Variants in PAPPA observed in about 807,000 individuals in gnomAD.
PAPPA encodes the protein pappalysin 1.
PAPPA carries 60 observed loss-of-function variants against 164.0 expected under a neutral mutation model. The observed-to-expected ratio is 0.37, with a 90% CI of 0.30 to 0.45. PAPPA has a LOEUF of 0.45. Ranked by LOEUF, PAPPA falls within the 20% of genes least tolerant of loss-of-function variation. The probability of loss-of-function intolerance (pLI) is 1.00; values close to 1 mark genes in which losing one functional copy is unlikely to be tolerated. For missense variants in PAPPA, 1,782 were observed against 2,087.3 expected (o/e 0.85, Z 2.85); for synonymous variants, 875 against 814.1 (o/e 1.07, Z -1.27).
intron 10 of PAPPA, among the ~76,000 whole-genome samples, chr9:116,321,398 A>G (rs116829882): frequency 0.013 from 1,959 of 152,294 alleles, 35 homozygotes; most frequent in African/African-American, 0.043. Context: ...ACAAGAGCTC[A>G]TTCTTCCCCT....
At chr9:116,313,008 G>A (rs749415954) in intron 10 of PAPPA, among the ~76,000 whole-genome samples, 2 of 150,738 alleles carry the variant, frequency 1.3e-5, no homozygotes, top group Non-Finnish European at 2.9e-5. Flanking sequence ...GCGTGAACCC[G>A]GGAGGCAGAG....
At chr9:116,212,892 T>G in intron 4 of PAPPA, among the ~76,000 whole-genome samples, 1 of 152,230 alleles carries the variant, frequency 6.6e-6, no homozygotes, top group Non-Finnish European at 1.5e-5. Flanking sequence ...CTCTCTCTCA[T>G]TTAATTCTCA....
rs1314422005 is a variant in PAPPA, at chr9:116,314,116, G to A, written c.3147+11166G>A. ...GAGATGGAGTCTCACTCTTTCGCCA[G>A]GCTGGAGTATAGTGGTGCAATCTTG... On this transcript the variant is annotated intron_variant, in intron 10 of 21. Coordinates refer to ENST00000328252, the MANE Select transcript of PAPPA (RefSeq NM_002581.5). 1.2e-4 allele frequency among the ~76,000 whole-genome samples: 15 copies of A among 128,076 alleles called. No individual in the cohort carries two copies. In the Admixed American group the frequency reaches 1.3e-3, roughly 11 times the overall value. 84.0% of individuals were successfully genotyped at this position (128,076 alleles called of 152,430 possible).
intron 5 of PAPPA, among the ~76,000 whole-genome samples, chr9:116,223,350 T>C (rs970373611): frequency 3.9e-5 from 6 of 152,226 alleles, no homozygotes; most frequent in Admixed American, 2.6e-4. Context: ...TTCCTGTGTA[T>C]GTATTTAATT....
At chr9:116,310,164 G>A (rs1845698105) in intron 10 of PAPPA, among the ~76,000 whole-genome samples, 1 of 152,196 alleles carries the variant, frequency 6.6e-6, no homozygotes, top group Non-Finnish European at 1.5e-5. Context: ...CAATGCCGAA[G>A]TCACTTCTAA....
At chr9:116,176,398 C>T (rs1291834922) in intron 1 of PAPPA, among the ~76,000 whole-genome samples, 18 of 152,182 alleles carry the variant, frequency 1.2e-4, no homozygotes, top group Admixed American at 1.2e-3. Context: ...AATGAAACTT[C>T]TGGACCATGG....
At position 116,302,924 on chromosome 9, in the gene PAPPA, A is replaced by T; in HGVS notation, c.3121A>T (p.Ile1041Phe). The T allele has an allele frequency of 6.2e-7, 1 of 1,613,916 alleles. No individual in the cohort carries two copies. Among genetic ancestry groups the T allele is most frequent in the East Asian group, 2.2e-5 (1 of 44,864 alleles). Reference protein sequence around the residue: ...HQDQQCPGWVIIGQPAASQVC... With the variant: ...HQDQQCPGWVFIGQPAASQVC... The stretch of plus-strand genomic sequence containing the variant: ...AGACCAGCAATGCCCAGGCTGGGTC[A>T]TCATCGGACAGCCAGCAGCATCCCA... Residue 1041 changes from isoleucine (I) to phenylalanine (F), a missense_variant, in exon 10 of 22, where the codon ATC (isoleucine) becomes TTC (phenylalanine). Ile to Phe is a conservative substitution (Grantham distance 21). This residue lies in a region of PAPPA where 1,324 missense variants were observed against 1,656.9 expected (regional missense o/e 0.80). Transcript: ENST00000328252.
At chr9:116,211,612 C>T in intron 3 of PAPPA, 27 bp from the exon 4 acceptor site, 1 of 1,606,320 alleles carries the variant, frequency 6.2e-7, no homozygotes, top group South Asian at 1.1e-5. Flanking sequence ...ACCTAGTTTG[C>T]CTGATTCTCT....
intron 21 of PAPPA, among the ~76,000 whole-genome samples, chr9:116,394,893 T>C (rs1279221577): frequency 6.6e-6 from 1 of 152,196 alleles, no homozygotes; most frequent in East Asian, 1.9e-4. Context: ...AATTTATTCA[T>C]TCTGTGGCTT....
intron 1 of PAPPA, among the ~76,000 whole-genome samples, chr9:116,161,480 T>C (rs1043841954): frequency 6.6e-6 from 1 of 152,200 alleles, no homozygotes; most frequent in African/African-American, 2.4e-5. Flanking sequence ...TCCACTTAAA[T>C]TGTGTGATTC....
At chr9:116,196,579 G>A (rs2118650801) in intron 2 of PAPPA, among the ~76,000 whole-genome samples, 1 of 152,306 alleles carries the variant, frequency 6.6e-6, no homozygotes, top group African/African-American at 2.4e-5. Flanking sequence ...TCACTGCTGG[G>A]CAGTTTTCCA....
chr9:116,258,392 C>A (rs534957532), intron 7 of PAPPA, among the ~76,000 whole-genome samples: 76 of 152,256 alleles, frequency 5.0e-4, no homozygotes, highest in African/African-American at 1.6e-3. Context: ...TGGCATGGCT[C>A]ATGCCTGTAA....
At chr9:116,374,845 G>A (rs1291224393) in intron 19 of PAPPA, among the ~76,000 whole-genome samples, 1 of 152,246 alleles carries the variant, frequency 6.6e-6, no homozygotes, top group Non-Finnish European at 1.5e-5. Flanking sequence ...GAAAGCAGGT[G>A]ATCCTCTTCA....
chr9:116,344,485 C>A, intron 13 of PAPPA, 58 bp from the exon 14 acceptor site: 2 of 1,530,798 alleles, frequency 1.3e-6, no homozygotes, highest in Non-Finnish European at 1.8e-6. Flanking sequence ...TATCTTCCAA[C>A]TGAGCATAGC....
Position 116,332,335 on chromosome 9 carries a change from G to A in PAPPA, c.3264G>A (p.Ala1088=), listed in dbSNP as rs375777503. 54 of 1,612,456 alleles carry A rather than the reference G, an allele frequency of 3.3e-5. No individual in the cohort carries two copies. The Middle Eastern group carries it at 5.1e-4, about 15-fold the overall frequency. ...CTCCTACGTCTTCACAATTTCAGGC[G>A]TATTTTTCTCAACCAATGGTTGCCG... The part of the protein sequence containing the change: ...QLAQTTFWLR[A]YFSQPMVAAA... The change falls in exon 12 of 22, where the codon GCG becomes GCA. Residue 1088 remains alanine, a splice_region_variant and synonymous_variant. Transcript: ENST00000328252.
intron 10 of PAPPA, among the ~76,000 whole-genome samples, chr9:116,312,815 G>A (rs958150932): frequency 2.6e-5 from 4 of 151,964 alleles, no homozygotes; most frequent in Admixed American, 2.0e-4. Context: ...CAGGCGTGGT[G>A]GCTCACGCCT....
intron 13 of PAPPA, among the ~76,000 whole-genome samples, chr9:116,340,832 C>T (rs900820638): frequency 6.6e-6 from 1 of 152,130 alleles, no homozygotes; most frequent in Admixed American, 6.6e-5. Flanking sequence ...GTTTCATTAA[C>T]TCAATGCTAC....
intron 15 of PAPPA, 103 bp from the exon 16 acceptor site, chr9:116,352,603 G>A (rs1846297080): frequency 3.5e-6 from 3 of 857,586 alleles, no homozygotes; most frequent in Admixed American, 3.8e-5. Flanking sequence ...CCACATAAGG[G>A]ATCTCCTGGT....
At chr9:116,360,394 C>G (rs536744982) in intron 17 of PAPPA, among the ~76,000 whole-genome samples, 1 of 152,172 alleles carries the variant, frequency 6.6e-6, no homozygotes, top group African/African-American at 2.4e-5. Flanking sequence ...ACCCTTCTCC[C>G]AAGGCCAGAG....
Sources: gnomAD v4.1 joint callset for allele counts (sites outside exome capture counted in the v4.1 genomes callset) on GRCh38, gnomAD v4.1.1 for gene constraint, gnomAD v4.1.1 regional missense constraint, MANE v1.5 for transcripts, NCBI Gene and HGNC (gene_info 2026-07-23, HGNC 2026-07-21) for gene names.